Variants in CCDC85C observed in about 807,000 individuals in gnomAD.
The protein encoded by CCDC85C is coiled-coil domain containing 85C.
Under a neutral mutation model 38.3 loss-of-function variants are expected in CCDC85C, and 18 were observed. That is an observed-to-expected ratio of 0.47 (90% CI 0.33 to 0.70). The LOEUF (loss-of-function observed/expected upper bound fraction) is 0.70, where lower values mean the gene tolerates loss of function less well. CCDC85C is among the 30% of genes least tolerant of loss of function. CCDC85C has a pLI of 0.03. For synonymous variants in CCDC85C, 264 were observed against 293.8 expected, an observed-to-expected ratio of 0.90 and a Z score of 1.04; for missense variants, 566 against 621.2, an observed-to-expected ratio of 0.91 and a Z score of 0.94.
intron 2 of CCDC85C, among the ~76,000 whole-genome samples, chr14:99,525,570 C>T (rs1897368150): frequency 6.6e-6 from 1 of 152,258 alleles, no homozygotes; most frequent in Admixed American, 6.5e-5. Flanking sequence ...AAATGTGCTG[C>T]ATCGGTTATG....
At position 99,536,057 on chromosome 14, in the gene CCDC85C, C is replaced by T. The variant is rs1897591391; in HGVS notation, c.825G>A (p.Glu275=). Residue 275 remains glutamate (E), a synonymous_variant, in exon 2 of 6, where the codon GAG becomes GAA. Coordinates refer to ENST00000380243, the MANE Select transcript of CCDC85C (RefSeq NM_001144995.2). ...DPSSTYIRQL[E]SKVRLLEGDK... ...CACCCTCCAGCAGCCTCACTTTGCT[C>T]TCCAGTTGCCTGATGTAGGTGGATG... 1.5e-5 allele frequency: 23 copies of T among 1,551,600 alleles called. No individual in the cohort carries two copies. Among genetic ancestry groups the T allele is most frequent in the Non-Finnish European group, 2.0e-5 (23 of 1,146,924 alleles).
In CCDC85C at chr14:99,520,693, CA is replaced by C. The variant is rs1897292270; in HGVS notation, c.975+1439del. Among the ~76,000 whole-genome samples the C allele has an allele frequency of 6.6e-6, 1 of 152,200 alleles. No individual in the cohort carries two copies. Among genetic ancestry groups the C allele is most frequent in the African/African-American group, 2.4e-5 (1 of 41,452 alleles). Reference sequence around the variant, plus strand: ...GGAGGAGCGACCCCTGCACAGCCCCCACGCTGGCCCCTGACCTCTAGGCACA... The same window carrying C: ...GGAGGAGCGACCCCTGCACAGCCCCCCGCTGGCCCCTGACCTCTAGGCACA... On this transcript the variant is annotated intron_variant, in intron 3 of 5. Coordinates refer to ENST00000380243, the MANE Select transcript of CCDC85C (RefSeq NM_001144995.2). The surrounding 1 kb of genome is among the most constrained non-coding windows in gnomAD (Gnocchi z 4.1).
intron 3 of CCDC85C, 92 bp downstream of exon 3, chr14:99,522,041 A>G: frequency 1.0e-6 from 1 of 955,890 alleles, no homozygotes. Flanking sequence ...TCAGGCACCC[A>G]GATCCTTGTG....
intron 1 of CCDC85C, among the ~76,000 whole-genome samples, chr14:99,539,553 C>T (rs1289609820): frequency 6.6e-6 from 1 of 151,028 alleles, no homozygotes; most frequent in Non-Finnish European, 1.5e-5. Flanking sequence ...ATTTGTCCAA[C>T]AACAGCTGAG....
intron 1 of CCDC85C, among the ~76,000 whole-genome samples, chr14:99,573,785 G>A (rs1898410203): frequency 6.6e-6 from 1 of 152,172 alleles, no homozygotes; most frequent in Non-Finnish European, 1.5e-5. Flanking sequence ...TCCAGGAGAT[G>A]CACCCCTCAC....
At chr14:99,600,224 A>C (rs938973216) in intron 1 of CCDC85C, among the ~76,000 whole-genome samples, 1 of 152,238 alleles carries the variant, frequency 6.6e-6, no homozygotes, top group African/African-American at 2.4e-5. Flanking sequence ...ACAACAGGAG[A>C]AACCTACTGT....
In CCDC85C at chr14:99,594,861, G is replaced by C. The variant is rs144951303; in HGVS notation, c.793+8306C>G. Among the ~76,000 whole-genome samples, 70 of 152,340 alleles carry C rather than the reference G, an allele frequency of 4.6e-4. 1 individual carries two copies. In the East Asian group the frequency reaches 0.011, roughly 24 times the overall value. ...AGTAATCTTCCAAGACCCCCAGGCA[G>C]GGAGCATGTCAGCTGACAAGGCCAC... On this transcript the variant is annotated intron_variant, in intron 1 of 5. Coordinates refer to ENST00000380243, the MANE Select transcript of CCDC85C (RefSeq NM_001144995.2).
At position 99,565,818 on chromosome 14, in the gene CCDC85C, G is replaced by A. The variant is rs114104150; in HGVS notation, c.794-29730C>T. Among the ~76,000 whole-genome samples, 548 of 152,318 alleles carry A rather than the reference G, an allele frequency of 3.6e-3. 3 individuals carry two copies. Among genetic ancestry groups the A allele is most frequent in the African/African-American group, 0.013 (520 of 41,564 alleles). On this transcript the variant is annotated intron_variant, in intron 1 of 5. Coordinates refer to ENST00000380243, the MANE Select transcript of CCDC85C (RefSeq NM_001144995.2). ...CCAGAAGAGCAACAAACACAAATGG[G>A]TTTCCAGAAGGCCAGGCCAGGGAGG... is the stretch of plus-strand genomic sequence containing the variant.
At position 99,501,043 on chromosome 14, in the gene CCDC85C, T is replaced by A. The variant is rs1368047610; in HGVS notation, c.*14203A>T. 1.6e-6 allele frequency: 1 copy of A among 613,680 alleles called. No homozygotes were observed. 38.0% of individuals were successfully genotyped at this position (613,680 alleles called of 1,614,324 possible). A position where few individuals can be genotyped will look rare whatever the true frequency, so the allele number is the denominator to read the frequency against. On this transcript the variant is annotated 3_prime_UTR_variant, in exon 6 of 6. Transcript: ENST00000380243. ...TTGCAGCTGCTAATGCTGTTTCCTT[T>A]TATGTATAAACAGGCTCTGTCATCC... is the stretch of plus-strand genomic sequence containing the variant.
In CCDC85C at chr14:99,533,921, C is replaced by T. The variant is rs1036999468; in HGVS notation, c.867+2094G>A. On this transcript the variant is annotated intron_variant, in intron 2 of 5. Transcript: ENST00000380243. This position sits in a 1 kb window ranked among gnomAD's most constrained non-coding sequence, Gnocchi z 4.2. The stretch of plus-strand genomic sequence containing the variant: ...CTTGGGCGCAGGTTTTCTGCAAGTC[C>T]GTGGTCAGGAACTGGGGTGTATTTT... Among the ~76,000 whole-genome samples, 1 of 152,194 alleles carries T rather than the reference C, an allele frequency of 6.6e-6. No individual in the cohort carries two copies. The highest frequency in any genetic ancestry group is 2.4e-5 in the African/African-American group (1 of 41,450).
chr14:99,564,499 T>G (rs1898177276), intron 1 of CCDC85C, among the ~76,000 whole-genome samples: 2 of 152,356 alleles, frequency 1.3e-5, no homozygotes, highest in African/African-American at 4.8e-5. Flanking sequence ...CCTATTGAGT[T>G]GCACGACACC....
intron 2 of CCDC85C, among the ~76,000 whole-genome samples, chr14:99,524,608 T>C (rs1003229051): frequency 6.6e-6 from 1 of 152,224 alleles, no homozygotes; most frequent in African/African-American, 2.4e-5. Flanking sequence ...AATCTCTCAT[T>C]AAGGGGCAAT....
intron 1 of CCDC85C, among the ~76,000 whole-genome samples, chr14:99,551,544 GGCAGGTGAGTGT>G (rs1897907916): frequency 1.3e-5 from 2 of 148,548 alleles, no homozygotes; most frequent in African/African-American, 5.0e-5. Flanking sequence ...CAGGTGGGTG[GGCAGGTGAGTGT>G]GCAGGTGGGT....
chr14:99,570,110 G>C (rs1699097784), intron 1 of CCDC85C, among the ~76,000 whole-genome samples: 1 of 152,138 alleles, frequency 6.6e-6, no homozygotes, highest in African/African-American at 2.4e-5. Context: ...CCCCCTGCCA[G>C]GCAGGGGCAT....
In CCDC85C at chr14:99,503,723, T is replaced by A; in HGVS notation, c.*11523A>T. ...TAAATTCTTAGCCAACATTGTTTCT[T>A]TTCAGATCTAAATTGGCCTTAAATC... On this transcript the variant is annotated 3_prime_UTR_variant, in exon 6 of 6. Coordinates refer to ENST00000380243, the MANE Select transcript of CCDC85C (RefSeq NM_001144995.2). 1 of 1,278,304 alleles carries A rather than the reference T, an allele frequency of 7.8e-7. No individual in the cohort carries two copies. Among genetic ancestry groups the A allele is most frequent in the Non-Finnish European group, 1.1e-6 (1 of 912,296 alleles). 79.2% of individuals were successfully genotyped at this position (1,278,304 alleles called of 1,614,324 possible).
chr14:99,572,934 C>A lies in CCDC85C; in HGVS notation c.793+30233G>T. ...GACCTGAGGCAGCGCCTTCTCTTAG[C>A]TCTGAGCCCTGCCTTCGCCTCCTAC... On this transcript the variant is annotated intron_variant, in intron 1 of 5. Transcript: ENST00000380243. The surrounding 1 kb of genome is among the most constrained non-coding windows in gnomAD (Gnocchi z 4.4). The A allele has an allele frequency of 2.4e-6, 1 of 412,974 alleles. No homozygotes were observed. Among genetic ancestry groups the A allele is most frequent in the African/African-American group, 2.0e-5 (1 of 49,000 alleles). 25.6% of individuals were successfully genotyped at this position (412,974 alleles called of 1,614,324 possible).
intron 2 of CCDC85C, among the ~76,000 whole-genome samples, chr14:99,523,636 C>T (rs1471473093): frequency 2.6e-5 from 4 of 152,214 alleles, no homozygotes; most frequent in Non-Finnish European, 5.9e-5. Context: ...CTGGGAGCTG[C>T]TTCCTGGGCC....
In CCDC85C at chr14:99,502,914, A is replaced by C. The variant is rs1330059608; in HGVS notation, c.*12332T>G. Reference sequence around the variant, plus strand: ...GACCCCCAGCAACCAGCCCAGCAGCAGCAGCCAGCCCAACAGCCCAAGAAA... The same window carrying C: ...GACCCCCAGCAACCAGCCCAGCAGCCGCAGCCAGCCCAACAGCCCAAGAAA... On this transcript the variant is annotated 3_prime_UTR_variant, in exon 6 of 6. Coordinates refer to ENST00000380243, the MANE Select transcript of CCDC85C (RefSeq NM_001144995.2). The C allele has an allele frequency of 9.9e-6, 16 of 1,613,682 alleles. No homozygotes were observed. Among genetic ancestry groups the C allele is most frequent in the Non-Finnish European group, 9.3e-6 (11 of 1,179,804 alleles).
At position 99,502,828 on chromosome 14, in the gene CCDC85C, G is replaced by A; in HGVS notation, c.*12418C>T. 6.2e-7 allele frequency: 1 copy of A among 1,613,460 alleles called. No homozygotes were observed. The highest frequency in any genetic ancestry group is 1.1e-5 in the South Asian group (1 of 91,036). ...CATCTCTTCAGCCTACACCACAAGT[G>A]CCGCAAGTACAGCAGTCACAGCCGT... On this transcript the variant is annotated 3_prime_UTR_variant, in exon 6 of 6. Coordinates refer to ENST00000380243, the MANE Select transcript of CCDC85C (RefSeq NM_001144995.2).
Sources: allele counts gnomAD v4.1 joint callset (sites outside exome capture counted in the v4.1 genomes callset), GRCh38; gene constraint gnomAD v4.1.1; non-coding constraint Gnocchi (gnomAD v3.1); transcripts MANE v1.5; gene names NCBI Gene and HGNC (gene_info 2026-07-23, HGNC 2026-07-21).